ASCC1: variants seen among roughly 807,000 people sequenced by gnomAD.
ASCC1 encodes the protein activating signal cointegrator 1 complex subunit 1, also known as ASC-1 complex subunit P50.
ASCC1 carries 35 observed loss-of-function variants against 46.6 expected under a neutral mutation model. That is an observed-to-expected ratio of 0.75 (90% confidence interval 0.57 to 0.99). The LOEUF (loss-of-function observed/expected upper bound fraction) is 0.99. Ranked by LOEUF, ASCC1 falls within the 50% of genes least tolerant of loss-of-function variation. The probability of loss-of-function intolerance (pLI) is 0.00; values close to 1 mark genes in which losing one functional copy is unlikely to be tolerated. For synonymous variants in ASCC1, 143 were observed against 146.6 expected (o/e 0.98, Z 0.18); for missense variants, 376 against 428.7 (o/e 0.88, Z 1.09).
Position 72,190,689 on chromosome 10 carries a change from T to C in ASCC1, c.489+6122A>G, listed in dbSNP as rs186025484. The C allele has an allele frequency of 8.0e-4, 515 of 647,570 alleles. 3 individuals carry two copies. In the African/African-American group the frequency reaches 8.7e-3, roughly 11 times the overall value. The allele number at this position is 647,570 out of a possible 1,614,324, so 40.1% of individuals were successfully genotyped here. ...GTCTGCAAATTATTTAATGAATGCTTTGTCAAATTAAGACAGTTAAAGTGA... is the reference window on the plus strand; with the variant it reads ...GTCTGCAAATTATTTAATGAATGCTCTGTCAAATTAAGACAGTTAAAGTGA... On this transcript the variant is annotated intron_variant, in intron 5 of 9. Transcript: ENST00000672957.
At chr10:72,102,440 C>A in intron 9 of ASCC1, 1 of 1,528,386 alleles carries the variant, frequency 6.5e-7, no homozygotes, top group South Asian at 1.2e-5. Context: ...GGAAACAGAT[C>A]ACTATAAAAG....
chr10:72,195,555 T>C (rs1366387711), intron 5 of ASCC1, among the ~76,000 whole-genome samples: 1 of 149,930 alleles, frequency 6.7e-6, no homozygotes, highest in Non-Finnish European at 1.5e-5. Flanking sequence ...TTTTATTTTA[T>C]TTTATTTATT....
chr10:72,207,606 C>T (rs1045782779), intron 3 of ASCC1, among the ~76,000 whole-genome samples: 3 of 152,058 alleles, frequency 2.0e-5, no homozygotes, highest in Non-Finnish European at 2.9e-5. Context: ...CTGATTTAAT[C>T]GGTCTGGGGT....
chr10:72,099,586 T>A (rs1308869180), intron 9 of ASCC1, among the ~76,000 whole-genome samples: 1 of 152,156 alleles, frequency 6.6e-6, no homozygotes, highest in Non-Finnish European at 1.5e-5. Flanking sequence ...TTTGAGAGGC[T>A]GAGGCAGCGG....
chr10:72,188,937 G>A (rs1262662850), intron 5 of ASCC1, among the ~76,000 whole-genome samples: 1 of 151,954 alleles, frequency 6.6e-6, no homozygotes, highest in Admixed American at 6.6e-5. Flanking sequence ...TTTATCTGCT[G>A]TAGAGACAGG....
At chr10:72,199,282 C>A (rs1856124525) in intron 4 of ASCC1, among the ~76,000 whole-genome samples, 1 of 150,934 alleles carries the variant, frequency 6.6e-6, no homozygotes, top group Non-Finnish European at 1.5e-5. Flanking sequence ...TGCCATCACA[C>A]CCAGCTAATT....
chr10:72,137,776 G>A (rs1387590353), intron 7 of ASCC1, among the ~76,000 whole-genome samples: 2 of 152,068 alleles, frequency 1.3e-5, no homozygotes, highest in African/African-American at 4.8e-5. Context: ...TATGGATGGT[G>A]AGGTTACGTA....
intron 9 of ASCC1, among the ~76,000 whole-genome samples, chr10:72,119,925 G>C (rs1426152809): frequency 6.6e-6 from 1 of 152,196 alleles, no homozygotes; most frequent in Non-Finnish European, 1.5e-5. Flanking sequence ...GAATCAAAGA[G>C]AAATACTAGT....
intron 5 of ASCC1, among the ~76,000 whole-genome samples, chr10:72,187,738 A>C (rs1216261102): frequency 1.3e-5 from 2 of 149,674 alleles, no homozygotes; most frequent in Non-Finnish European, 1.5e-5. Context: ...AAAAAAAAAA[A>C]AAAACTGGTT....
intron 4 of ASCC1, 80 bp downstream of exon 4, chr10:72,203,346 AC>A: frequency 9.8e-7 from 1 of 1,020,514 alleles, no homozygotes. Flanking sequence ...AAACATAGTT[AC>A]TAAACACTGC....
intron 5 of ASCC1, among the ~76,000 whole-genome samples, chr10:72,171,780 C>A (rs1851117758): frequency 6.6e-6 from 1 of 152,168 alleles, no homozygotes; most frequent in Non-Finnish European, 1.5e-5. Context: ...GTCTCTTTTG[C>A]CATAAAAGGT....
intron 5 of ASCC1, among the ~76,000 whole-genome samples, chr10:72,173,847 C>T (rs1474462369): frequency 1.3e-5 from 2 of 152,172 alleles, no homozygotes; most frequent in African/African-American, 4.8e-5. Flanking sequence ...TTACACTGGG[C>T]CCTGCTCCAA....
intron 9 of ASCC1, among the ~76,000 whole-genome samples, chr10:72,105,781 C>T (rs1260810380): frequency 6.6e-6 from 1 of 152,076 alleles, no homozygotes; most frequent in African/African-American, 2.4e-5. Context: ...GATTTAAGGG[C>T]TCACTGTGGT....
chr10:72,174,701 G>A (rs527272625), intron 5 of ASCC1, among the ~76,000 whole-genome samples: 143 of 152,276 alleles, frequency 9.4e-4, no homozygotes, highest in Non-Finnish European at 1.1e-3. Context: ...GGAACTCCAG[G>A]TATAACAAAC....
intron 7 of ASCC1, among the ~76,000 whole-genome samples, chr10:72,137,567 C>T (rs1034706644): frequency 1.4e-5 from 2 of 139,004 alleles, no homozygotes; most frequent in African/African-American, 2.7e-5. Flanking sequence ...TAAGGAAAAA[C>T]GAAAAACAAC....
At chr10:72,126,170 T>C (rs929371626) in intron 9 of ASCC1, among the ~76,000 whole-genome samples, 1 of 152,212 alleles carries the variant, frequency 6.6e-6, no homozygotes, top group African/African-American at 2.4e-5. Flanking sequence ...GCTCAATTTG[T>C]GAGTTTTGAG....
At position 72,096,950 on chromosome 10, in the gene ASCC1, A is replaced by G; in HGVS notation, c.*384T>C. On this transcript the variant is annotated 3_prime_UTR_variant, in exon 10 of 10. Coordinates refer to ENST00000672957, the MANE Select transcript of ASCC1 (RefSeq NM_001198800.3). ...TTAATGGGTACAGTTTCCATTTTAC[A>G]AGCTGAGAAGCCTATGGAGATGGAC... 2.2e-6 allele frequency: 1 copy of G among 454,544 alleles called. No homozygotes were observed. Among genetic ancestry groups the G allele is most frequent in the South Asian group, 1.6e-5 (1 of 64,482 alleles). The allele number at this position is 454,544 out of a possible 1,614,324, so 28.2% of individuals were successfully genotyped here.
chr10:72,138,385 T>A (rs1459373976), intron 7 of ASCC1, among the ~76,000 whole-genome samples: 1 of 152,134 alleles, frequency 6.6e-6, no homozygotes, highest in African/African-American at 2.4e-5. Flanking sequence ...AGAAATCAGT[T>A]TCCACCTTTG....
chr10:72,141,062 T>TAGATAG (rs1554829954), intron 7 of ASCC1, among the ~76,000 whole-genome samples: 1 of 150,718 alleles, frequency 6.6e-6, no homozygotes, highest in East Asian at 1.9e-4. Flanking sequence ...GATAGATAGA[T>TAGATAG]AGATAGATAG....
Sources: allele counts gnomAD v4.1 joint callset (sites outside exome capture counted in the v4.1 genomes callset), GRCh38; gene constraint gnomAD v4.1.1; transcripts MANE v1.5; gene names NCBI Gene and HGNC (gene_info 2026-07-23, HGNC 2026-07-21).